The following CDK19 variants were observed in gnomAD, a reference collection of about 807,000 sequenced individuals.
The protein encoded by CDK19 is cyclin-dependent kinase 19.
CDK19 carries 20 observed loss-of-function variants against 68.3 expected under a neutral mutation model. The ratio of observed to expected loss-of-function variants is 0.29; its 90% confidence interval spans 0.21 to 0.43. CDK19 has a LOEUF of 0.43. Ranked by LOEUF, CDK19 falls within the 20% of genes least tolerant of loss-of-function variation. The pLI is 1.00. For synonymous variants in CDK19, 221 were observed against 222.8 expected (o/e 0.99, Z 0.07); for missense variants, 339 against 623.5 (o/e 0.54, Z 4.86).
chr6:110,719,797 C>G (rs1582942916), intron 2 of CDK19, among the ~76,000 whole-genome samples: 1 of 152,128 alleles, frequency 6.6e-6, no homozygotes, highest in African/African-American at 2.4e-5. Context: ...GTGGCGCAAT[C>G]TGGGCTCACT....
intron 1 of CDK19, among the ~76,000 whole-genome samples, chr6:110,814,342 T>C (rs1284083967): frequency 6.6e-6 from 1 of 152,102 alleles, no homozygotes; most frequent in Non-Finnish European, 1.5e-5. Flanking sequence ...GCCCATCAGG[T>C]CTCCTTCGAA....
intron 2 of CDK19, among the ~76,000 whole-genome samples, chr6:110,687,223 T>C (rs1203603733): frequency 6.6e-6 from 1 of 152,168 alleles, no homozygotes; most frequent in Non-Finnish European, 1.5e-5. Context: ...ATGTTGAAAG[T>C]TCCACTTTTC....
chr6:110,749,234 A>G (rs1266712716), intron 1 of CDK19, among the ~76,000 whole-genome samples: 1 of 152,216 alleles, frequency 6.6e-6, no homozygotes, highest in East Asian at 1.9e-4. Context: ...CTATATGTCT[A>G]TAACATGTAG....
In CDK19 at chr6:110,646,360, A is replaced by G. The variant is rs1157172804; in HGVS notation, c.457-7654T>C. The G allele has an allele frequency of 8.9e-6, 13 of 1,465,206 alleles. No individual in the cohort carries two copies. The East Asian group carries it at 3.2e-4, about 36-fold the overall frequency. The allele number at this position is 1,465,206 out of a possible 1,614,324, so 90.8% of individuals were successfully genotyped here. Reference sequence around the variant, plus strand: ...GGCATGCACTTCGAGTGCCTCTTCCATGTGGGCGACAGCGCCAACGACTTC... The same window carrying G: ...GGCATGCACTTCGAGTGCCTCTTCCGTGTGGGCGACAGCGCCAACGACTTC... On this transcript the variant is annotated intron_variant, in intron 4 of 12. Coordinates refer to ENST00000368911, the MANE Select transcript of CDK19 (RefSeq NM_015076.5).
At chr6:110,722,527 C>T (rs1220430214) in intron 2 of CDK19, among the ~76,000 whole-genome samples, 2 of 145,022 alleles carry the variant, frequency 1.4e-5, no homozygotes, top group Non-Finnish European at 3.0e-5. Flanking sequence ...AGTGAGATCT[C>T]ATCTTTGTTT....
intron 2 of CDK19, among the ~76,000 whole-genome samples, chr6:110,705,968 C>T (rs1379824967): frequency 6.6e-6 from 1 of 152,118 alleles, no homozygotes; most frequent in Non-Finnish European, 1.5e-5. Context: ...GCACGTTCTA[C>T]ACATGTATCC....
chr6:110,680,491 C>G (rs1174923450), intron 2 of CDK19, among the ~76,000 whole-genome samples: 1 of 152,060 alleles, frequency 6.6e-6, no homozygotes, highest in African/African-American at 2.4e-5. Flanking sequence ...GTATTCACTA[C>G]CTCTGTTTAC....
At chr6:110,622,732 G>A (rs1778794542) in intron 10 of CDK19, 83 bp downstream of exon 10, 1 of 855,310 alleles carries the variant, frequency 1.2e-6, no homozygotes, top group Non-Finnish European at 2.0e-6. Flanking sequence ...AAATACTTCA[G>A]TAGCAAGTGC....
At position 110,758,838 on chromosome 6, in the gene CDK19, C is replaced by G. The variant is rs182817432; in HGVS notation, c.129-12637G>C. On this transcript the variant is annotated intron_variant, in intron 1 of 12. Coordinates refer to ENST00000368911, the MANE Select transcript of CDK19 (RefSeq NM_015076.5). ...ATTCTTAAATCCCACCCTGTCAGAT[C>G]AGATAGAGCTAGATCATCAGATCAG... Among the ~76,000 whole-genome samples the G allele has an allele frequency of 2.2e-3, 342 of 152,196 alleles. 1 individual carries two copies. Among genetic ancestry groups the G allele is most frequent in the South Asian group, 7.7e-3 (37 of 4,820 alleles).
At chr6:110,815,533 C>T (rs552560544), upstream of CDK19, 3 of 160,332 alleles carry the variant, frequency 1.9e-5, no homozygotes, top group East Asian at 3.7e-4. Context: ...GCGGCCTGGG[C>T]GGTTTTGCCG....
chr6:110,734,505 A>G (rs1301830245), intron 2 of CDK19, among the ~76,000 whole-genome samples: 1 of 68,806 alleles, frequency 1.5e-5, no homozygotes, highest in Admixed American at 2.0e-4. Context: ...TGATAAAACT[A>G]AGAGGGTGAG....
intron 4 of CDK19, 129 bp downstream of exon 4, chr6:110,667,304 CT>C (rs1562176801): frequency 1.7e-6 from 1 of 580,130 alleles, no homozygotes; most frequent in Non-Finnish European, 2.9e-6. Context: ...TTTTTATCTT[CT>C]TTTTTGCTTA....
Position 110,765,432 on chromosome 6 carries a change from AC to A in CDK19, c.129-19232del, listed in dbSNP as rs1444837469. 1.3e-4 allele frequency among the ~76,000 whole-genome samples: 20 copies of A among 152,118 alleles called. No individual in the cohort carries two copies. The East Asian group carries it at 3.9e-3, about 29-fold the overall frequency. ...GGTGGCTCACGCCTGTAATTCCAGC[AC>A]TTTGGGAGGCCGAGGCGGGTGGATC... is the stretch of plus-strand genomic sequence containing the variant. On this transcript the variant is annotated intron_variant, in intron 1 of 12. Coordinates refer to ENST00000368911, the MANE Select transcript of CDK19 (RefSeq NM_015076.5).
intron 1 of CDK19, among the ~76,000 whole-genome samples, chr6:110,800,341 C>G (rs146796569): frequency 4.6e-5 from 7 of 152,222 alleles, no homozygotes; most frequent in African/African-American, 1.4e-4. Context: ...TAGCCCTGGA[C>G]CAGATGGATT....
At chr6:110,641,874 A>G (rs2114787799) in intron 4 of CDK19, among the ~76,000 whole-genome samples, 1 of 152,344 alleles carries the variant, frequency 6.6e-6, no homozygotes, top group Non-Finnish European at 1.5e-5. Context: ...AGGCTCATGG[A>G]ACCCTACAGG....
chr6:110,792,949 T>C (rs1397237531), intron 1 of CDK19, among the ~76,000 whole-genome samples: 2 of 152,178 alleles, frequency 1.3e-5, no homozygotes, highest in Non-Finnish European at 2.9e-5. Flanking sequence ...GTGAGGAGTA[T>C]TTTGTCATCC....
Position 110,713,172 on chromosome 6 carries a change from G to A in CDK19, c.204+32954C>T, listed in dbSNP as rs76452796. On this transcript the variant is annotated intron_variant, in intron 2 of 12. Transcript: ENST00000368911. The stretch of plus-strand genomic sequence containing the variant: ...AGATCGTGCCACTGCACTCCAGCCT[G>A]ATGACAGAGTGAGATCCCATCTCAA... Among the ~76,000 whole-genome samples the A allele has an allele frequency of 0.022, 3,099 of 143,724 alleles. 335 individuals are homozygous for A. The East Asian group carries it at 0.36, about 17-fold the overall frequency. 94.3% of individuals were successfully genotyped at this position (143,724 alleles called of 152,430 possible). A position where few individuals can be genotyped will look rare whatever the true frequency, so the allele number is the denominator to read the frequency against.
chr6:110,639,351 T>C (rs1360980077), intron 4 of CDK19, among the ~76,000 whole-genome samples: 2 of 152,244 alleles, frequency 1.3e-5, no homozygotes, highest in South Asian at 2.1e-4. Flanking sequence ...ACTGTTGAGA[T>C]AGGCTTTGGA....
At chr6:110,647,182 TG>T (rs1039732026) in intron 4 of CDK19, among the ~76,000 whole-genome samples, 5 of 152,152 alleles carry the variant, frequency 3.3e-5, no homozygotes, top group Non-Finnish European at 5.9e-5. Flanking sequence ...ACCGTCCAGC[TG>T]GGGTCCGGCC....
Sources: gnomAD v4.1 joint callset for allele counts (sites outside exome capture counted in the v4.1 genomes callset) on GRCh38, gnomAD v4.1.1 for gene constraint, MANE v1.5 for transcripts, NCBI Gene and HGNC (gene_info 2026-07-23, HGNC 2026-07-21) for gene names.